MERTK: variants seen among roughly 807,000 people sequenced by gnomAD.
MERTK encodes tyrosine-protein kinase Mer.
Under a neutral mutation model 99.3 loss-of-function variants are expected in MERTK, and 69 were observed. The ratio of observed to expected loss-of-function variants is 0.70; its 90% CI spans 0.57 to 0.85. The LOEUF is 0.85. Ranked by LOEUF, MERTK falls within the 40% of genes least tolerant of loss-of-function variation. The pLI, the probability that MERTK is intolerant of heterozygous loss-of-function variation, is 0.00. For missense variants in MERTK, 1,125 were observed against 1,249.4 expected (o/e 0.90, Z 1.50); for synonymous variants, 426 against 467.6 (o/e 0.91, Z 1.15).
intron 8 of MERTK, among the ~76,000 whole-genome samples, chr2:111,989,139 C>G (rs866909045): frequency 1.7e-4 from 26 of 152,218 alleles, no homozygotes; most frequent in African/African-American, 6.0e-4. Context: ...ATAATACAGT[C>G]TCATTCAAAT....
intron 11 of MERTK, among the ~76,000 whole-genome samples, 191 bp downstream of exon 11, chr2:112,001,477 C>T (rs563702390): frequency 3.0e-4 from 46 of 152,286 alleles, no homozygotes; most frequent in Admixed American, 3.0e-3. Flanking sequence ...GGCTAATTTA[C>T]TGCAATCAGG....
intron 4 of MERTK, among the ~76,000 whole-genome samples, 168 bp from the exon 5 acceptor site, chr2:111,965,023 A>G (rs1484705317): frequency 6.6e-6 from 1 of 152,210 alleles, no homozygotes; most frequent in African/African-American, 2.4e-5. Flanking sequence ...CCTTGGGTTT[A>G]ATCCCAGGTT....
chr2:111,955,901 A>G (rs995423712), intron 4 of MERTK, among the ~76,000 whole-genome samples: 3 of 149,980 alleles, frequency 2.0e-5, no homozygotes, highest in Admixed American at 1.3e-4. Flanking sequence ...TCTCACTCAT[A>G]GGTGGGAATT....
intron 15 of MERTK, among the ~76,000 whole-genome samples, chr2:112,015,005 T>C (rs561844142): frequency 2.6e-5 from 4 of 152,338 alleles, no homozygotes; most frequent in South Asian, 2.1e-4. Context: ...AACCAAGCTG[T>C]GTATATCAAT....
At position 112,003,108 on chromosome 2, in the gene MERTK, CAG is replaced by C; in HGVS notation, c.1708_1709del (p.Ser570Ter). 6.4e-7 allele frequency: 1 copy of C among 1,573,548 alleles called. No individual in the cohort carries two copies. The highest frequency in any genetic ancestry group is 8.7e-7 in the Non-Finnish European group (1 of 1,143,480). On this transcript the variant is annotated frameshift_variant, in exon 12 of 19. Transcript: ENST00000295408. LOFTEE classifies it high-confidence loss of function. ...CTTTTTCAGTACATAGCTTGGGAGT[CAG>C]TGAGGAACTACAAAATAAACTAGAA... is the stretch of plus-strand genomic sequence containing the variant. ...IELTLHSLGV[S>X]EELQNKLEDV...
intron 1 of MERTK, among the ~76,000 whole-genome samples, chr2:111,906,093 GT>G (rs1251038472): frequency 2.0e-5 from 3 of 151,936 alleles, no homozygotes; most frequent in Non-Finnish European, 4.4e-5. Flanking sequence ...ATGTATTTCT[GT>G]TGGTCCCTTG....
intron 4 of MERTK, among the ~76,000 whole-genome samples, chr2:111,955,887 A>G (rs1685138664): frequency 1.3e-5 from 2 of 150,654 alleles, no homozygotes; most frequent in African/African-American, 4.9e-5. Context: ...GTGGGTAAGC[A>G]TGTTCTCACT....
intron 2 of MERTK, among the ~76,000 whole-genome samples, chr2:111,944,529 A>ACTTATTCCTTAAT: frequency 6.6e-6 from 1 of 152,320 alleles, no homozygotes; most frequent in Non-Finnish European, 1.5e-5. Context: ...TGTTTTAAGG[A>ACTTATTCCTTAAT]ATTAGCTCAC....
chr2:111,975,352 C>T lies in MERTK; in HGVS notation c.1024C>T (p.His342Tyr). ...GATTTTTAACACCTCTGCCTTACCA[C>T]ATCTGTACCAAATCAAGCAGCTGCA... ...VMIFNTSALP[H>Y]LYQIKQLQAL... The change falls in exon 7 of 19, where the codon CAT becomes TAT. Residue 342 changes from histidine (H) to tyrosine (Y), a missense_variant. Physicochemically the swap from His to Tyr is moderately conservative, Grantham distance 83. Coordinates refer to ENST00000295408, the MANE Select transcript of MERTK (RefSeq NM_006343.3). 6.2e-7 allele frequency: 1 copy of T among 1,614,206 alleles called. No homozygotes were observed. The highest frequency in any genetic ancestry group is 1.7e-5 in the Admixed American group (1 of 60,026).
At chr2:111,928,186 G>T (rs1016720615) in intron 1 of MERTK, among the ~76,000 whole-genome samples, 5 of 131,266 alleles carry the variant, frequency 3.8e-5, no homozygotes, top group Admixed American at 3.8e-4. Context: ...CACAAAAATT[G>T]TAAACTCATC....
chr2:111,921,298 G>A (rs985666666), intron 1 of MERTK, among the ~76,000 whole-genome samples: 13 of 152,096 alleles, frequency 8.5e-5, no homozygotes, highest in Middle Eastern at 3.4e-3. Flanking sequence ...TTAGGAGTTC[G>A]ACACCAGCCT....
At chr2:112,010,805 C>T (rs537862825) in intron 15 of MERTK, among the ~76,000 whole-genome samples, 26 of 152,282 alleles carry the variant, frequency 1.7e-4, no homozygotes, top group African/African-American at 6.3e-4. Context: ...TGCGAGCAGG[C>T]GGTGTGTGTC....
chr2:112,028,845 G>A lies in MERTK; in HGVS notation c.2981G>A (p.Gly994Asp). Residue 994 changes from glycine to aspartate, a missense_variant, in exon 19 of 19, where the codon GGC becomes GAC. Coordinates refer to ENST00000295408, the MANE Select transcript of MERTK (RefSeq NM_006343.3). ...ELLFADDSSE[G>D]SEVLM The stretch of plus-strand genomic sequence containing the variant: ...TTGTTTGCTGACGACTCCTCAGAAG[G>A]CTCAGAAGTCCTGATGTGAGGAGAG... 6.2e-7 allele frequency: 1 copy of A among 1,613,916 alleles called. No homozygotes were observed. Among genetic ancestry groups the A allele is most frequent in the Non-Finnish European group, 8.5e-7 (1 of 1,180,026 alleles).
intron 2 of MERTK, among the ~76,000 whole-genome samples, chr2:111,935,278 C>A (rs974262969): frequency 2.0e-5 from 3 of 152,310 alleles, no homozygotes; most frequent in African/African-American, 7.2e-5. Flanking sequence ...TTGGGCAGAC[C>A]TGGTCCCTGT....
chr2:111,898,916 AC>A, intron 1 of MERTK, 120 bp downstream of exon 1: 1 of 1,045,150 alleles, frequency 9.6e-7, no homozygotes, highest in African/African-American at 1.6e-5. Flanking sequence ...GTTTGCAAAC[AC>A]CCTCCACCCA....
intron 10 of MERTK, among the ~76,000 whole-genome samples, chr2:111,998,809 T>G (rs1676804933): frequency 1.3e-5 from 2 of 152,170 alleles, no homozygotes; most frequent in Non-Finnish European, 2.9e-5. Context: ...GAAATAAAAC[T>G]ATTTCCAGGA....
At chr2:111,917,508 G>A (rs1516639) in intron 1 of MERTK, among the ~76,000 whole-genome samples, 1 of 151,962 alleles carries the variant, frequency 6.6e-6, no homozygotes, top group African/African-American at 2.4e-5. Context: ...AAAGGAAACC[G>A]ATTTGTTCTT....
intron 4 of MERTK, among the ~76,000 whole-genome samples, chr2:111,959,140 C>G (rs1222332806): frequency 6.6e-6 from 1 of 152,124 alleles, no homozygotes; most frequent in East Asian, 1.9e-4. Context: ...AGCTTAGGAT[C>G]TGGAAGGTTA....
chr2:111,904,078 A>G (rs1213073940), intron 1 of MERTK, among the ~76,000 whole-genome samples: 1 of 151,984 alleles, frequency 6.6e-6, no homozygotes, highest in Non-Finnish European at 1.5e-5. Flanking sequence ...TTTGTTTCCT[A>G]GTAGTTTGAG....
Sources: allele counts gnomAD v4.1 joint callset (sites outside exome capture counted in the v4.1 genomes callset), GRCh38; gene constraint gnomAD v4.1.1; transcripts MANE v1.5; gene names NCBI Gene and HGNC (gene_info 2026-07-23, HGNC 2026-07-21).